The following PCDH15 variants were observed in gnomAD, a reference collection of about 807,000 sequenced individuals.
PCDH15 encodes the protein protocadherin related 15.
A neutral mutation model predicts 178.5 loss-of-function variants in PCDH15; 129 were observed. That is an observed-to-expected ratio of 0.72 (90% CI 0.63 to 0.84). The LOEUF is 0.84. Ranked by LOEUF, PCDH15 falls within the 40% of genes least tolerant of loss-of-function variation. The pLI, the probability that PCDH15 is intolerant of heterozygous loss-of-function variation, is 0.00. For missense variants in PCDH15, 2,230 were observed against 2,099.9 expected, an observed-to-expected ratio of 1.06 and a Z score of -1.21; for synonymous variants, 800 against 732.0, an observed-to-expected ratio of 1.09 and a Z score of -1.50.
At chr10:54,708,200 C>A (rs1459888998) in intron 1 of PCDH15, among the ~76,000 whole-genome samples, 1 of 152,162 alleles carries the variant, frequency 6.6e-6, no homozygotes, top group Non-Finnish European at 1.5e-5. Flanking sequence ...TATGGATAAT[C>A]ACAATAGAGC....
intron 1 of PCDH15, among the ~76,000 whole-genome samples, chr10:55,265,259 A>G (rs1226266551): frequency 6.6e-6 from 1 of 151,480 alleles, no homozygotes; most frequent in African/African-American, 2.4e-5. Flanking sequence ...CCGGATGACC[A>G]TGATAGATAC....
chr10:55,424,641 G>T (rs1838707447), intron 2 of PCDH15, among the ~76,000 whole-genome samples: 1 of 152,072 alleles, frequency 6.6e-6, no homozygotes, highest in African/African-American at 2.4e-5. Flanking sequence ...TTCTATGAAT[G>T]CCTGTGGGTT....
intron 1 of PCDH15, among the ~76,000 whole-genome samples, chr10:55,254,346 T>A (rs112284707): frequency 4.9e-4 from 74 of 152,258 alleles, no homozygotes; most frequent in African/African-American, 1.7e-3. Flanking sequence ...GAGTGAGGGT[T>A]TTGGAAGAGG....
chr10:55,560,516 T>C (rs1842176368), intron 2 of PCDH15, among the ~76,000 whole-genome samples: 1 of 151,888 alleles, frequency 6.6e-6, no homozygotes, highest in Non-Finnish European at 1.5e-5. Flanking sequence ...TGACCCGTAA[T>C]TCTATACTGA....
chr10:54,637,017 T>C (rs2093870450), intron 2 of PCDH15, among the ~76,000 whole-genome samples: 1 of 151,714 alleles, frequency 6.6e-6, no homozygotes. Flanking sequence ...TTTTATGGCA[T>C]AGCGTACCTT....
intron 1 of PCDH15, among the ~76,000 whole-genome samples, chr10:54,746,844 A>G (rs1216989140): frequency 2.6e-5 from 4 of 152,126 alleles, no homozygotes; most frequent in African/African-American, 9.6e-5. Flanking sequence ...GACACCACGT[A>G]CAAGTTTCCA....
chr10:55,398,486 T>C (rs1341205160), intron 2 of PCDH15, among the ~76,000 whole-genome samples: 1 of 152,128 alleles, frequency 6.6e-6, no homozygotes, highest in Non-Finnish European at 1.5e-5. Context: ...AGTTGCAAGG[T>C]TTCTTTTTTG....
intron 5 of PCDH15, among the ~76,000 whole-genome samples, chr10:54,353,981 T>TTATC (rs1429140273): frequency 6.6e-6 from 1 of 152,124 alleles, no homozygotes; most frequent in African/African-American, 2.4e-5. Context: ...ATTTATTTAT[T>TTATC]TATCTATTTA....
chr10:55,574,505 T>A (rs1025101736), intron 2 of PCDH15, among the ~76,000 whole-genome samples: 6 of 152,176 alleles, frequency 3.9e-5, no homozygotes, highest in Non-Finnish European at 7.4e-5. Context: ...CCTCCTGCTA[T>A]TGGCAACATG....
At chr10:54,679,463 T>G (rs531250852) in intron 1 of PCDH15, among the ~76,000 whole-genome samples, 3 of 152,192 alleles carry the variant, frequency 2.0e-5, no homozygotes, top group Non-Finnish European at 2.9e-5. Flanking sequence ...TGAAAACACA[T>G]AAGTAAACTA....
intron 3 of PCDH15, among the ~76,000 whole-genome samples, chr10:54,450,199 T>C (rs1287606783): frequency 6.7e-6 from 1 of 148,324 alleles, no homozygotes; most frequent in African/African-American, 2.5e-5. Flanking sequence ...AACATGCAGG[T>C]TTGTTACATA....
chr10:55,093,492 A>G (rs1295969272), intron 2 of PCDH15, among the ~76,000 whole-genome samples: 1 of 151,934 alleles, frequency 6.6e-6, no homozygotes, highest in Non-Finnish European at 1.5e-5. Context: ...ATTAGATCCC[A>G]TTTGTCAATT....
intron 2 of PCDH15, among the ~76,000 whole-genome samples, chr10:55,556,992 C>T (rs1842103592): frequency 1.3e-5 from 2 of 151,972 alleles, no homozygotes; most frequent in Admixed American, 1.3e-4. Context: ...GTTTCTTCAC[C>T]TTATTGATTT....
intron 14 of PCDH15, among the ~76,000 whole-genome samples, chr10:54,142,269 A>C (rs190823942): frequency 6.6e-6 from 1 of 152,308 alleles, no homozygotes; most frequent in African/African-American, 2.4e-5. Flanking sequence ...CCTATTAACT[A>C]ATCCTTGTGC....
rs531729663 is a variant in PCDH15 at position 55,418,748 on chromosome 10, GTC to G, written c.-156+208875_-156+208876del. Among the ~76,000 whole-genome samples, 34 of 151,834 alleles carry G rather than the reference GTC, an allele frequency of 2.2e-4. 1 individual carries two copies. In the South Asian group the frequency reaches 7.0e-3, roughly 31 times the overall value. On this transcript the variant is annotated intron_variant, in intron 2 of 5. Transcript: ENST00000613346. Reference sequence around the variant, plus strand: ...ATATTAGAAGAAAAAAGAAATGAAAGTCATAATAAAATCAGACTTTTATCTTT... The same window carrying G: ...ATATTAGAAGAAAAAAGAAATGAAAGATAATAAAATCAGACTTTTATCTTT...
At chr10:55,565,979 CATTCT>C (rs1396754296) in intron 2 of PCDH15, among the ~76,000 whole-genome samples, 3 of 151,568 alleles carry the variant, frequency 2.0e-5, no homozygotes, top group African/African-American at 7.3e-5. Flanking sequence ...TTCCAAAACT[CATTCT>C]ATAAGACATC....
intron 2 of PCDH15, among the ~76,000 whole-genome samples, chr10:55,416,253 GAAC>G (rs1254627367): frequency 3.3e-5 from 5 of 151,530 alleles, no homozygotes; most frequent in Non-Finnish European, 7.4e-5. Context: ...CAACAAAACA[GAAC>G]AACAAGAAAA....
chr10:54,948,539 T>C (rs1182923169), intron 2 of PCDH15, among the ~76,000 whole-genome samples: 2 of 151,908 alleles, frequency 1.3e-5, no homozygotes, highest in Non-Finnish European at 1.5e-5. Context: ...ATAGACTGAG[T>C]GAGCAGGAAC....
chr10:55,502,522 T>C (rs912224913), intron 2 of PCDH15, among the ~76,000 whole-genome samples: 18 of 151,714 alleles, frequency 1.2e-4, no homozygotes, highest in African/African-American at 4.3e-4. Flanking sequence ...AAAATATGTC[T>C]TATTGCGCAG....
Sources: allele counts gnomAD v4.1 joint callset (sites outside exome capture counted in the v4.1 genomes callset), GRCh38; gene constraint gnomAD v4.1.1; transcripts MANE v1.5; gene names NCBI Gene and HGNC (gene_info 2026-07-23, HGNC 2026-07-21).